MTBP: variants seen among roughly 807,000 people sequenced by gnomAD.
MTBP encodes the protein MDM2 binding protein.
MTBP carries 101 observed loss-of-function variants against 117.0 expected under a neutral mutation model. The ratio of observed to expected loss-of-function variants is 0.86; its 90% CI spans 0.73 to 1.02. The LOEUF is 1.02. Ranked by LOEUF, MTBP falls within the 50% of genes least tolerant of loss-of-function variation. The probability of loss-of-function intolerance (pLI) is 0.00; values close to 1 mark genes in which losing one functional copy is unlikely to be tolerated. For missense variants in MTBP, 970 were observed against 1,030.9 expected, an observed-to-expected ratio of 0.94 and a Z score of 0.81; for synonymous variants, 350 against 351.5, an observed-to-expected ratio of 1.00 and a Z score of 0.05.
intron 4 of MTBP, among the ~76,000 whole-genome samples, chr8:120,453,245 G>C (rs575579521): frequency 6.6e-6 from 1 of 152,144 alleles, no homozygotes; most frequent in Non-Finnish European, 1.5e-5. Context: ...GAGCCCAGGA[G>C]TTTGAGACCA....
chr8:120,495,750 G>T, intron 13 of MTBP, among the ~76,000 whole-genome samples: 1 of 151,748 alleles, frequency 6.6e-6, no homozygotes, highest in East Asian at 1.9e-4. Context: ...GTCATTTTTT[G>T]TTCATTGATT....
chr8:120,453,921 T>G lies in MTBP; in HGVS notation c.484+16T>G, dbSNP rs747129110. ...CCTGCTCCTGGTAATATTTTATGACTGCTTTCAATAATTTGTATCTTATCT... is the reference window on the plus strand; with the variant it reads ...CCTGCTCCTGGTAATATTTTATGACGGCTTTCAATAATTTGTATCTTATCT... On this transcript the variant is annotated intron_variant, in intron 5 of 21. Coordinates refer to ENST00000305949, the MANE Select transcript of MTBP (RefSeq NM_022045.5). 3.3e-6 allele frequency: 5 copies of G among 1,494,750 alleles called. No individual in the cohort carries two copies. The Admixed American group carries it at 7.4e-5, about 22-fold the overall frequency. 92.6% of individuals were successfully genotyped at this position (1,494,750 alleles called of 1,614,324 possible). A position where few individuals can be genotyped will look rare whatever the true frequency, so the allele number is the denominator to read the frequency against.
chr8:120,476,021 T>C (rs1813928683), intron 11 of MTBP, among the ~76,000 whole-genome samples: 1 of 152,010 alleles, frequency 6.6e-6, no homozygotes, highest in Non-Finnish European at 1.5e-5. Context: ...ATATTACAAT[T>C]GAGAAAAATA....
intron 9 of MTBP, among the ~76,000 whole-genome samples, chr8:120,461,468 A>G (rs959617981): frequency 7.2e-5 from 11 of 152,220 alleles, no homozygotes; most frequent in South Asian, 2.1e-4. Context: ...TCCTATACCT[A>G]TTTTATCAGA....
intron 15 of MTBP, 126 bp downstream of exon 15, chr8:120,502,735 T>C (rs1814611143): frequency 1.7e-6 from 1 of 578,794 alleles, no homozygotes. Flanking sequence ...AATACATACT[T>C]ACTGTGAATA....
intron 11 of MTBP, among the ~76,000 whole-genome samples, chr8:120,478,374 A>G (rs1386474481): frequency 6.6e-6 from 1 of 152,042 alleles, no homozygotes; most frequent in Non-Finnish European, 1.5e-5. Context: ...CATTCTGTAC[A>G]TGTATCCCAG....
Position 120,502,541 on chromosome 8 carries a change from T to C in MTBP, c.1659T>C (p.Pro553=). The change falls in exon 15 of 22, where the codon CCT becomes CCC. Residue 553 remains proline, a synonymous_variant. Transcript: ENST00000305949. ...CCTCAAGTCTAATGGAAACCAATCC[T>C]CTGGAATGGCCAGAAAGGCATGTTC... ...PNSSSLMETN[P]LEWPERHVLQ... 6.2e-7 allele frequency: 1 copy of C among 1,607,038 alleles called. No individual in the cohort carries two copies. Among genetic ancestry groups the C allele is most frequent in the Non-Finnish European group, 8.5e-7 (1 of 1,177,466 alleles).
chr8:120,489,331 C>T (rs901891830), intron 12 of MTBP, among the ~76,000 whole-genome samples: 1 of 152,138 alleles, frequency 6.6e-6, no homozygotes, highest in African/African-American at 2.4e-5. Context: ...TCCACTGCGC[C>T]CGGCCTAGGC....
chr8:120,460,324 A>G (rs1813556898), intron 8 of MTBP, among the ~76,000 whole-genome samples: 1 of 152,138 alleles, frequency 6.6e-6, no homozygotes, highest in Non-Finnish European at 1.5e-5. Context: ...TTAGGGTACA[A>G]CTTCTTCAAT....
intron 12 of MTBP, 113 bp from the exon 13 acceptor site, chr8:120,490,350 T>G: frequency 1.5e-6 from 1 of 648,686 alleles, no homozygotes; most frequent in Non-Finnish European, 2.7e-6. Flanking sequence ...AGGTGAGTGA[T>G]TGACTTTTAT....
chr8:120,510,674 G>C (rs755479923), intron 17 of MTBP, among the ~76,000 whole-genome samples: 8 of 152,164 alleles, frequency 5.3e-5, no homozygotes, highest in Admixed American at 5.2e-4. Context: ...AGCTGAGGCA[G>C]GTGGATCGCT....
intron 13 of MTBP, among the ~76,000 whole-genome samples, chr8:120,495,234 C>T (rs114070726): frequency 0.023 from 3,513 of 152,164 alleles, 130 homozygotes; most frequent in African/African-American, 0.081. Flanking sequence ...CATTTTCCCT[C>T]GGAATTTCAA....
chr8:120,512,683 A>T (rs1449411390), intron 17 of MTBP, among the ~76,000 whole-genome samples: 1 of 152,146 alleles, frequency 6.6e-6, no homozygotes, highest in Non-Finnish European at 1.5e-5. Flanking sequence ...CTACTCCCAT[A>T]AACAAATAAA....
At chr8:120,511,882 T>C (rs748399265) in intron 17 of MTBP, among the ~76,000 whole-genome samples, 37 of 152,170 alleles carry the variant, frequency 2.4e-4, no homozygotes, top group Non-Finnish European at 5.3e-4. Context: ...AATACCCTTA[T>C]GTCAATATTT....
intron 8 of MTBP, among the ~76,000 whole-genome samples, chr8:120,460,786 C>A (rs1363766700): frequency 6.6e-6 from 1 of 152,032 alleles, no homozygotes; most frequent in Non-Finnish European, 1.5e-5. Context: ...TCTGCAGATT[C>A]CACCTGCAGA....
At chr8:120,500,685 A>T (rs1346159053) in intron 14 of MTBP, among the ~76,000 whole-genome samples, 1 of 152,232 alleles carries the variant, frequency 6.6e-6, no homozygotes, top group African/African-American at 2.4e-5. Context: ...TAAACTATTC[A>T]AGGTTAAATA....
rs1395428426 is a variant in MTBP at position 120,502,506 on chromosome 8, G to A, written c.1624G>A (p.Glu542Lys). The change falls in exon 15 of 22, where the codon GAA becomes AAA. Residue 542 changes from glutamate to lysine, a missense_variant. Physicochemically the swap from Glu to Lys is moderately conservative, Grantham distance 56 (BLOSUM62 1). Coordinates refer to ENST00000305949, the MANE Select transcript of MTBP (RefSeq NM_022045.5). Reference sequence around the variant, plus strand: ...TTTCACTTTAGATTTTAGTCCAGTGGAACCTAATTCCTCAAGTCTAATGGA... The same window carrying A: ...TTTCACTTTAGATTTTAGTCCAGTGAAACCTAATTCCTCAAGTCTAATGGA... ...FNILNDFSPV[E>K]PNSSSLMETN... 1 of 1,594,412 alleles carries A rather than the reference G, an allele frequency of 6.3e-7. No homozygotes were observed. The highest frequency in any genetic ancestry group is 1.8e-5 in the Admixed American group (1 of 56,532).
intron 8 of MTBP, among the ~76,000 whole-genome samples, chr8:120,459,675 T>C (rs1015973495): frequency 6.6e-6 from 1 of 152,182 alleles, no homozygotes; most frequent in Non-Finnish European, 1.5e-5. Flanking sequence ...TATGTTTTGA[T>C]GTTAGGTAAA....
At chr8:120,481,136 C>A (rs763049517) in intron 11 of MTBP, among the ~76,000 whole-genome samples, 1 of 152,154 alleles carries the variant, frequency 6.6e-6, no homozygotes, top group Non-Finnish European at 1.5e-5. Flanking sequence ...AAATGTGATT[C>A]TACAACACAC....
Sources: gnomAD v4.1 joint callset for allele counts (sites outside exome capture counted in the v4.1 genomes callset) on GRCh38, gnomAD v4.1.1 for gene constraint, MANE v1.5 for transcripts, NCBI Gene and HGNC (gene_info 2026-07-23, HGNC 2026-07-21) for gene names.